ZNF827: variants seen among roughly 807,000 people sequenced by gnomAD.
The protein encoded by ZNF827 is zinc finger protein 827.
In ZNF827, 13 loss-of-function variants were observed where a neutral mutation model predicts 102.4. That is an observed-to-expected ratio of 0.13 (90% CI 0.08 to 0.20). ZNF827 has a LOEUF of 0.20. Among genes scored for constraint, ZNF827 ranks in the 10% least tolerant of loss-of-function variants. The pLI, the probability that ZNF827 is intolerant of heterozygous loss-of-function variation, is 1.00. For synonymous variants in ZNF827, 523 were observed against 536.2 expected (o/e 0.98, Z 0.34); for missense variants, 1,103 against 1,344.4 (o/e 0.82, Z 2.81).
intron 11 of ZNF827, among the ~76,000 whole-genome samples, 166 bp downstream of exon 11, chr4:145,774,340 T>A (rs1300120427): frequency 6.6e-6 from 1 of 152,154 alleles, no homozygotes; most frequent in Admixed American, 6.5e-5. Flanking sequence ...GAAACAGTAT[T>A]ATGACTACAG....
At position 145,871,229 on chromosome 4, in the gene ZNF827, A is replaced by T. The variant is rs909442446; in HGVS notation, c.1748-751T>A. ...GAATTCCCTAATGTTAGCATCTTAC[A>T]TAACCATGGTACATTTGTCAGAACT... On this transcript the variant is annotated intron_variant, in intron 4 of 14. Transcript: ENST00000508784. Among the ~76,000 whole-genome samples the T allele has an allele frequency of 2.0e-5, 3 of 152,214 alleles. No individual in the cohort carries two copies. In the East Asian group the frequency reaches 5.8e-4, roughly 29 times the overall value.
intron 2 of ZNF827, among the ~76,000 whole-genome samples, chr4:145,895,665 A>G (rs1164309751): frequency 1.3e-5 from 2 of 152,218 alleles, no homozygotes; most frequent in Non-Finnish European, 2.9e-5. Flanking sequence ...GATAACATCT[A>G]CATTTTTATT....
At chr4:145,916,995 T>A (rs1402650619) in intron 1 of ZNF827, among the ~76,000 whole-genome samples, 1 of 142,572 alleles carries the variant, frequency 7.0e-6, no homozygotes, top group Non-Finnish European at 1.5e-5. Flanking sequence ...ACTGTCCATA[T>A]TTCTACCAAC....
intron 8 of ZNF827, among the ~76,000 whole-genome samples, chr4:145,811,974 G>C (rs1176010025): frequency 1.3e-5 from 2 of 151,958 alleles, no homozygotes; most frequent in Non-Finnish European, 2.9e-5. Context: ...GAGTGCAGTG[G>C]CACAGTCTGA....
At position 145,903,030 on chromosome 4, in the gene ZNF827, T is replaced by C. The variant is rs760549650; in HGVS notation, c.229A>G (p.Ser77Gly). 6.2e-7 allele frequency: 1 copy of C among 1,614,208 alleles called. No homozygotes were observed. The change falls in exon 2 of 15, where the codon AGC becomes GGC. Residue 77 changes from serine to glycine, a missense_variant. Physicochemically the swap from Ser to Gly is moderately conservative, Grantham distance 56 (BLOSUM62 0). This residue lies in a region of ZNF827 where 441 missense variants were observed against 458.6 expected (regional missense o/e 0.96). Coordinates refer to ENST00000508784, the MANE Select transcript of ZNF827 (RefSeq NM_001306215.2). ...GCCACCAGCTCCAACGTGTGGCTGCTGGGAGTCGTGCTTCCCAAGGAGGTG... is the reference window on the plus strand; with the variant it reads ...GCCACCAGCTCCAACGTGTGGCTGCCGGGAGTCGTGCTTCCCAAGGAGGTG... ...PDTSLGSTTP[S>G]SHTLELVALD...
intron 1 of ZNF827, among the ~76,000 whole-genome samples, chr4:145,911,598 T>C (rs1752300100): frequency 6.6e-6 from 1 of 152,216 alleles, no homozygotes; most frequent in Non-Finnish European, 1.5e-5. Context: ...AAACTATTCA[T>C]TATACTTGAA....
chr4:145,760,649 G>A lies in ZNF827; in HGVS notation c.*967C>T, dbSNP rs1202834947. 3.9e-6 allele frequency: 2 copies of A among 518,404 alleles called. No homozygotes were observed. The highest frequency in any genetic ancestry group is 5.4e-6 in the Non-Finnish European group (2 of 373,770). 32.1% of individuals were successfully genotyped at this position (518,404 alleles called of 1,614,324 possible). A position where few individuals can be genotyped will look rare whatever the true frequency, so the allele number is the denominator to read the frequency against. On this transcript the variant is annotated 3_prime_UTR_variant, in exon 15 of 15. Coordinates refer to ENST00000508784, the MANE Select transcript of ZNF827 (RefSeq NM_001306215.2). ...CTTACTAAAGATATACAGTACACAT[G>A]TTCCAGACCCATCGGGGTCTGTAGG...
At chr4:145,873,509 G>C (rs77680869) in intron 4 of ZNF827, among the ~76,000 whole-genome samples, 158 of 152,296 alleles carry the variant, frequency 1.0e-3, no homozygotes, top group African/African-American at 3.5e-3. Context: ...CTAGACCACA[G>C]CATTACTGAA....
chr4:145,776,862 C>G (rs1364804497), intron 9 of ZNF827, among the ~76,000 whole-genome samples: 2 of 152,002 alleles, frequency 1.3e-5, no homozygotes, highest in East Asian at 1.9e-4. Flanking sequence ...TAATGGAAAC[C>G]CTCTCATAAA....
intron 5 of ZNF827, among the ~76,000 whole-genome samples, chr4:145,857,098 C>T (rs1014314611): frequency 6.6e-6 from 1 of 152,162 alleles, no homozygotes; most frequent in Non-Finnish European, 1.5e-5. Context: ...CCAACATTTT[C>T]CCTCTATATC....
At chr4:145,820,290 A>T (rs958047547) in intron 8 of ZNF827, among the ~76,000 whole-genome samples, 13 of 152,210 alleles carry the variant, frequency 8.5e-5, no homozygotes, top group Non-Finnish European at 1.9e-4. Flanking sequence ...AAATAATGCT[A>T]TGTATTTTCA....
Position 145,757,788 on chromosome 4 carries a change from T to C in ZNF827, c.*3828A>G. 6.6e-6 allele frequency: 1 copy of C among 151,440 alleles called. No homozygotes were observed. The highest frequency in any genetic ancestry group is 1.9e-4 in the East Asian group (1 of 5,188). 9.4% of individuals were successfully genotyped at this position (151,440 alleles called of 1,614,324 possible). A position where few individuals can be genotyped will look rare whatever the true frequency, so the allele number is the denominator to read the frequency against. On this transcript the variant is annotated 3_prime_UTR_variant, in exon 15 of 15. Transcript: ENST00000508784. ...GCAAAAAGCTTTATACAATACAAAT[T>C]TTCAGTAATGTACACAAACCTTGAC...
At chr4:145,827,293 A>G (rs1238469049) in intron 7 of ZNF827, among the ~76,000 whole-genome samples, 1 of 152,230 alleles carries the variant, frequency 6.6e-6, no homozygotes, top group Non-Finnish European at 1.5e-5. Context: ...CAAATGGAGA[A>G]AAGGAAGAGA....
chr4:145,794,107 C>T (rs985373813), intron 8 of ZNF827, among the ~76,000 whole-genome samples: 1 of 152,200 alleles, frequency 6.6e-6, no homozygotes, highest in Non-Finnish European at 1.5e-5. Flanking sequence ...GAGCGGAGAA[C>T]AGATGTCACC....
At chr4:145,848,882 T>C (rs1222551238) in intron 6 of ZNF827, among the ~76,000 whole-genome samples, 2 of 152,226 alleles carry the variant, frequency 1.3e-5, no homozygotes, top group African/African-American at 4.8e-5. Context: ...TGTTTTGTTT[T>C]TGTTTTGGCA....
At chr4:145,795,762 A>G (rs929722641) in intron 8 of ZNF827, among the ~76,000 whole-genome samples, 3 of 152,224 alleles carry the variant, frequency 2.0e-5, no homozygotes, top group Non-Finnish European at 4.4e-5. Context: ...GGTAACATTT[A>G]AAAGGGAAGT....
chr4:145,846,585 G>A (rs28610095), intron 6 of ZNF827, among the ~76,000 whole-genome samples: 45,931 of 142,472 alleles, frequency 0.32, 6,753 homozygotes, highest in African/African-American at 0.37. Context: ...GGGAGGCCGA[G>A]GCAGGTGGAT....
Position 145,813,345 on chromosome 4 carries a change from T to C in ZNF827, c.2383+10077A>G, listed in dbSNP as rs184358686. On this transcript the variant is annotated intron_variant, in intron 8 of 14. Transcript: ENST00000508784. ...GACCACATTCACATAACTTTTATTATAGTATGTTGTTATTAAATTGTTCTA... is the reference window on the plus strand; with the variant it reads ...GACCACATTCACATAACTTTTATTACAGTATGTTGTTATTAAATTGTTCTA... 2.0e-3 allele frequency among the ~76,000 whole-genome samples: 298 copies of C among 152,352 alleles called. 1 individual carries two copies. Among genetic ancestry groups the C allele is most frequent in the African/African-American group, 6.7e-3 (280 of 41,580 alleles).
rs1233714459 is a variant in ZNF827 at position 145,761,947 on chromosome 4, T to C, written c.*18-349A>G. On this transcript the variant is annotated intron_variant, in intron 14 of 14. Transcript: ENST00000508784. The surrounding 1 kb of genome is among the most constrained non-coding windows in gnomAD (Gnocchi z 6.8). ...GCCCCCGCCCGGCCCCTCGGAGCCC[T>C]CCCCACTCCCGACCAGACAGCGCAG... Among the ~76,000 whole-genome samples, 3 of 147,662 alleles carry C rather than the reference T, an allele frequency of 2.0e-5. No individual in the cohort carries two copies. Among genetic ancestry groups the C allele is most frequent in the Admixed American group, 1.3e-4 (2 of 14,938 alleles).
Sources: allele counts gnomAD v4.1 joint callset (sites outside exome capture counted in the v4.1 genomes callset), GRCh38; gene constraint gnomAD v4.1.1; regional missense constraint gnomAD v4.1.1; non-coding constraint Gnocchi (gnomAD v3.1); transcripts MANE v1.5; gene names NCBI Gene and HGNC (gene_info 2026-07-23, HGNC 2026-07-21).